TSPAN8: variants seen among roughly 807,000 people sequenced by gnomAD.
TSPAN8 encodes tetraspanin-8.
A neutral mutation model predicts 32.8 loss-of-function variants in TSPAN8; 21 were observed. The observed-to-expected ratio is 0.64, with a 90% CI of 0.45 to 0.92. The LOEUF is 0.92. TSPAN8 is among the 40% of genes least tolerant of loss of function. The pLI is 0.00. For synonymous variants in TSPAN8, 95 were observed against 94.6 expected (o/e 1.00, Z -0.03); for missense variants, 269 against 281.9 (o/e 0.95, Z 0.33).
chr12:71,134,957 A>G (rs565360688), intron 6 of TSPAN8, among the ~76,000 whole-genome samples: 69 of 152,336 alleles, frequency 4.5e-4, no homozygotes, highest in Non-Finnish European at 7.9e-4. Flanking sequence ...CACTAATGAT[A>G]CAACGCCTCT....
At chr12:71,138,257 T>C in intron 4 of TSPAN8, 27 bp from the exon 5 acceptor site, 2 of 1,603,092 alleles carry the variant, frequency 1.2e-6, no homozygotes, top group Non-Finnish European at 1.7e-6. Context: ...GAAATATACA[T>C]TATCCTCAGT....
rs374902886 is a variant in TSPAN8, at chr12:71,138,010, G to A, written c.387C>T (p.Ser129=). Residue 129 remains serine, a synonymous_variant, in exon 6 of 9, where the codon AGC becomes AGT. Coordinates refer to ENST00000247829, the MANE Select transcript of TSPAN8 (RefSeq NM_004616.3). Reference sequence around the variant, plus strand: ...ATTGTTTTTCACTTTCCCCTGTGGCGCTCAAAAGCTTTGTGTTTTCATAGA... The same window carrying A: ...ATTGTTTTTCACTTTCCCCTGTGGCACTCAAAAGCTTTGTGTTTTCATAGA... ...ETLYENTKLL[S]ATGESEKQFQ... 99 of 1,613,774 alleles carry A rather than the reference G, an allele frequency of 6.1e-5. 1 individual carries two copies. The South Asian group carries it at 7.6e-4, about 12-fold the overall frequency.
At chr12:71,136,137 G>T (rs1161426806) in intron 6 of TSPAN8, among the ~76,000 whole-genome samples, 1 of 151,584 alleles carries the variant, frequency 6.6e-6, no homozygotes, top group Non-Finnish European at 1.5e-5. Context: ...AACCAAGGAT[G>T]TTTCCACTTG....
At chr12:71,137,826 G>T in intron 6 of TSPAN8, 127 bp downstream of exon 6, 1 of 779,074 alleles carries the variant, frequency 1.3e-6, no homozygotes, top group Non-Finnish European at 2.0e-6. Context: ...ATTGCATGGT[G>T]ACAGAATAAT....
intron 2 of TSPAN8, among the ~76,000 whole-genome samples, chr12:71,145,816 T>C (rs1361932603): frequency 6.6e-6 from 1 of 152,186 alleles, no homozygotes; most frequent in East Asian, 1.9e-4. Context: ...TTCATAATGA[T>C]TGGCTTAATA....
chr12:71,157,855 A>T lies in TSPAN8; in HGVS notation c.-109-68T>A, dbSNP rs1430731481. 4 of 575,810 alleles carry T rather than the reference A, an allele frequency of 6.9e-6. No homozygotes were observed. In the Admixed American group the frequency reaches 1.2e-4, roughly 17 times the overall value. 35.7% of individuals were successfully genotyped at this position (575,810 alleles called of 1,614,324 possible). A position where few individuals can be genotyped will look rare whatever the true frequency, so the allele number is the denominator to read the frequency against. On this transcript the variant is annotated intron_variant, in intron 1 of 8. Coordinates refer to ENST00000247829, the MANE Select transcript of TSPAN8 (RefSeq NM_004616.3). ...AAAAAGTTATTAAACTGGATAAAAA[A>T]ATTAACCCACACATTTAAATATCGC... is the stretch of plus-strand genomic sequence containing the variant.
At chr12:71,133,124 A>T (rs1486455889) in intron 6 of TSPAN8, among the ~76,000 whole-genome samples, 2 of 151,912 alleles carry the variant, frequency 1.3e-5, no homozygotes. Context: ...TTGCTCTGTC[A>T]CCAGGCTGGA....
chr12:71,129,992 G>A (rs1317982116), intron 7 of TSPAN8, among the ~76,000 whole-genome samples: 9 of 144,034 alleles, frequency 6.2e-5, no homozygotes, highest in South Asian at 2.1e-4. Context: ...TCCCTCCAGC[G>A]CTGAAGCTGG....
chr12:71,125,297 G>T lies in TSPAN8; in HGVS notation c.*37C>A, dbSNP rs780682603. 6.4e-7 allele frequency: 1 copy of T among 1,574,336 alleles called. No homozygotes were observed. Among genetic ancestry groups the T allele is most frequent in the Non-Finnish European group, 8.7e-7 (1 of 1,154,890 alleles). On this transcript the variant is annotated 3_prime_UTR_variant, in exon 9 of 9. Coordinates refer to ENST00000247829, the MANE Select transcript of TSPAN8 (RefSeq NM_004616.3). ...TACAAAGCCAAAGCAACATTTTAAA[G>T]GGGTTTGACTGACGATAGGTTGATG...
At chr12:71,146,967 T>A (rs2137057790) in intron 2 of TSPAN8, among the ~76,000 whole-genome samples, 1 of 152,286 alleles carries the variant, frequency 6.6e-6, no homozygotes, top group Non-Finnish European at 1.5e-5. Flanking sequence ...AGATAAATCT[T>A]TCTTTCTCTA....
intron 8 of TSPAN8, 72 bp downstream of exon 8, chr12:71,129,259 C>T: frequency 7.5e-7 from 1 of 1,340,078 alleles, no homozygotes; most frequent in Non-Finnish European, 9.9e-7. Flanking sequence ...TGTTTGTTCA[C>T]CATCAATATT....
At chr12:71,131,582 G>A (rs1486819871) in intron 7 of TSPAN8, among the ~76,000 whole-genome samples, 1 of 151,388 alleles carries the variant, frequency 6.6e-6, no homozygotes, top group Non-Finnish European at 1.5e-5. Context: ...GTGATTTATA[G>A]TGGTTTTTAA....
At chr12:71,129,783 TA>T (rs1418364573) in intron 7 of TSPAN8, among the ~76,000 whole-genome samples, 1 of 152,144 alleles carries the variant, frequency 6.6e-6, no homozygotes, top group Non-Finnish European at 1.5e-5. Flanking sequence ...CATAAAAGTA[TA>T]AATCATAATT....
chr12:71,127,724 G>A (rs1005072696), intron 8 of TSPAN8, among the ~76,000 whole-genome samples: 1 of 152,050 alleles, frequency 6.6e-6, no homozygotes, highest in African/African-American at 2.4e-5. Context: ...TCCACTAGAT[G>A]TATTTAAATT....
At chr12:71,154,366 C>T (rs969995824) in intron 2 of TSPAN8, among the ~76,000 whole-genome samples, 2 of 149,156 alleles carry the variant, frequency 1.3e-5, no homozygotes, top group Admixed American at 1.3e-4. Flanking sequence ...TCAGAGCTCG[C>T]CAGGAAAGCA....
chr12:71,153,611 G>T (rs1282967720), intron 2 of TSPAN8, among the ~76,000 whole-genome samples: 2 of 152,170 alleles, frequency 1.3e-5, no homozygotes, highest in Non-Finnish European at 2.9e-5. Flanking sequence ...CATCAGTGGG[G>T]TCATTAAAAT....
chr12:71,127,986 T>C (rs1413115970), intron 8 of TSPAN8, among the ~76,000 whole-genome samples: 1 of 152,206 alleles, frequency 6.6e-6, no homozygotes, highest in South Asian at 2.1e-4. Flanking sequence ...CATTTCTTAC[T>C]CATCTTCATG....
Position 71,144,150 on chromosome 12 carries a change from C to T in TSPAN8, c.123+1G>A. The T allele has an allele frequency of 1.9e-6, 3 of 1,609,958 alleles. No individual in the cohort carries two copies. Among genetic ancestry groups the T allele is most frequent in the Non-Finnish European group, 2.5e-6 (3 of 1,177,964 alleles). On this transcript the variant is annotated splice_donor_variant, in intron 3 of 8. Transcript: ENST00000247829. LOFTEE classifies it high-confidence loss of function. ...AGGGTGACTTGTTTTTGCATACTTA[C>T]TGCTTGAGAGTCATTGCTTACTCGT... is the stretch of plus-strand genomic sequence containing the variant.
chr12:71,142,896 C>T (rs180814131), intron 3 of TSPAN8, among the ~76,000 whole-genome samples: 25 of 150,452 alleles, frequency 1.7e-4, no homozygotes, highest in Admixed American at 4.0e-4. Flanking sequence ...TTCAGAAAAG[C>T]CACCCACTGC....
Sources: gnomAD v4.1 joint callset for allele counts (sites outside exome capture counted in the v4.1 genomes callset) on GRCh38, gnomAD v4.1.1 for gene constraint, MANE v1.5 for transcripts, NCBI Gene and HGNC (gene_info 2026-07-23, HGNC 2026-07-21) for gene names.